CRACD: variants seen among roughly 807,000 people sequenced by gnomAD.
The protein encoded by CRACD is capping protein inhibiting regulator of actin dynamics.
In CRACD, 56 loss-of-function variants were observed where a neutral mutation model predicts 106.8. The observed-to-expected ratio is 0.52, with a 90% CI of 0.42 to 0.66. The LOEUF is 0.66. Among genes scored for constraint, CRACD ranks in the 30% least tolerant of loss-of-function variants. The pLI is 0.00. For missense variants in CRACD, 1,730 were observed against 1,623.2 expected (o/e 1.07, Z -1.13); for synonymous variants, 754 against 670.8 (o/e 1.12, Z -1.92).
intron 1 of CRACD, among the ~76,000 whole-genome samples, chr4:56,079,480 C>G (rs1380266629): frequency 5.0e-5 from 7 of 138,814 alleles, no homozygotes; most frequent in Non-Finnish European, 1.1e-4. Flanking sequence ...GGGTTTTGTT[C>G]TGTCATGCAG....
At chr4:56,274,399 T>C (rs1289251865) in intron 3 of CRACD, among the ~76,000 whole-genome samples, 2 of 152,178 alleles carry the variant, frequency 1.3e-5, no homozygotes, top group African/African-American at 4.8e-5. Flanking sequence ...AACCCATCCT[T>C]TTTGTAGTAT....
intron 1 of CRACD, among the ~76,000 whole-genome samples, chr4:56,085,449 T>A (rs1733182964): frequency 6.6e-6 from 1 of 152,086 alleles, no homozygotes. Context: ...AGAAACGGAT[T>A]CTTGTCTGAG....
chr4:56,153,984 C>T (rs1172198489), intron 1 of CRACD, among the ~76,000 whole-genome samples: 1 of 152,188 alleles, frequency 6.6e-6, no homozygotes, highest in Non-Finnish European at 1.5e-5. Context: ...TAACTAGGCA[C>T]TTGGTTATTT....
At chr4:56,327,448 A>G (rs1746521978) in intron 10 of CRACD, among the ~76,000 whole-genome samples, 196 bp from the exon 11 acceptor site, 1 of 152,244 alleles carries the variant, frequency 6.6e-6, no homozygotes, top group Non-Finnish European at 1.5e-5. Flanking sequence ...CATAAAAATG[A>G]TAACTGTGAG....
chr4:56,223,483 A>G (rs1739152904), intron 2 of CRACD, among the ~76,000 whole-genome samples: 1 of 151,930 alleles, frequency 6.6e-6, no homozygotes, highest in African/African-American at 2.4e-5. Flanking sequence ...TAGTACTTTT[A>G]TGGTTTCATT....
intron 8 of CRACD, among the ~76,000 whole-genome samples, chr4:56,318,589 C>G (rs144842034): frequency 1.1e-3 from 173 of 152,342 alleles, no homozygotes; most frequent in African/African-American, 3.9e-3. Flanking sequence ...AAATCTATCA[C>G]TGTCCCTGTT....
chr4:56,115,014 C>A (rs945306432), intron 1 of CRACD, among the ~76,000 whole-genome samples: 3 of 152,018 alleles, frequency 2.0e-5, no homozygotes, highest in African/African-American at 7.3e-5. Flanking sequence ...GCTGTATATG[C>A]TATAAAAGAT....
At chr4:56,321,232 C>A in intron 8 of CRACD, 1 of 249,126 alleles carries the variant, frequency 4.0e-6, no homozygotes. Context: ...AAGAGAAGCA[C>A]TTGTGTGGAC....
At chr4:56,173,396 A>G (rs1210411053) in intron 1 of CRACD, among the ~76,000 whole-genome samples, 1 of 152,246 alleles carries the variant, frequency 6.6e-6, no homozygotes, top group East Asian at 1.9e-4. Flanking sequence ...GATATGAGAA[A>G]GGAAATTAAT....
chr4:56,125,614 A>C (rs1734631090), intron 1 of CRACD, among the ~76,000 whole-genome samples: 2 of 151,894 alleles, frequency 1.3e-5, no homozygotes, highest in African/African-American at 4.8e-5. Context: ...ATGGGATCTT[A>C]CTGTGTTGTC....
At chr4:56,231,289 A>G (rs149326847) in intron 2 of CRACD, among the ~76,000 whole-genome samples, 15 of 152,202 alleles carry the variant, frequency 9.9e-5, no homozygotes, top group African/African-American at 3.4e-4. Context: ...TTGTCCAGCA[A>G]TATGTATCCA....
intron 2 of CRACD, among the ~76,000 whole-genome samples, chr4:56,260,259 C>T (rs1489197375): frequency 3.3e-5 from 5 of 152,308 alleles, no homozygotes; most frequent in Non-Finnish European, 5.9e-5. Context: ...TGATAGTTAA[C>T]TTTCTCTCTC....
intron 2 of CRACD, among the ~76,000 whole-genome samples, chr4:56,188,686 T>TCTCTCTCACACA (rs1553908658): frequency 1.1e-5 from 1 of 92,134 alleles, no homozygotes; most frequent in African/African-American, 4.9e-5. Context: ...TCTCTCTCTC[T>TCTCTCTCACACA]CACACACACA....
At position 56,286,614 on chromosome 4, in the gene CRACD, T is replaced by C. The variant is rs566526278; in HGVS notation, c.-16-11600T>C. On this transcript the variant is annotated intron_variant, in intron 3 of 10. Transcript: ENST00000682029. ...GCAACTTGGAGATCATTTACAGATG[T>C]CAATTATATTGCAATAGAGTGGAGG... 2.7e-4 allele frequency among the ~76,000 whole-genome samples: 41 copies of C among 151,346 alleles called. 1 individual carries two copies. In the South Asian group the frequency reaches 8.4e-3, roughly 31 times the overall value.
At chr4:56,296,309 A>G (rs1322574223) in intron 3 of CRACD, among the ~76,000 whole-genome samples, 2 of 152,068 alleles carry the variant, frequency 1.3e-5, no homozygotes, top group Non-Finnish European at 2.9e-5. Flanking sequence ...AAATGAGATA[A>G]TGAAAGTAAA....
chr4:56,212,710 A>T (rs1279170717), intron 2 of CRACD, among the ~76,000 whole-genome samples: 3 of 152,200 alleles, frequency 2.0e-5, no homozygotes, highest in Admixed American at 2.0e-4. Flanking sequence ...GTACACACAA[A>T]AAAAGAAACA....
At chr4:56,202,194 T>A (rs1737910565) in intron 2 of CRACD, among the ~76,000 whole-genome samples, 1 of 152,060 alleles carries the variant, frequency 6.6e-6, no homozygotes, top group Non-Finnish European at 1.5e-5. Flanking sequence ...TTTTATGTTT[T>A]AAAAAAATTG....
chr4:56,170,212 A>T (rs1369746385), intron 1 of CRACD: 6 of 152,220 alleles, frequency 3.9e-5, no homozygotes, highest in Admixed American at 3.9e-4. Context: ...TTCTGGTTTG[A>T]CTGGAGTAAT....
intron 6 of CRACD, chr4:56,311,489 G>A (rs138096987): frequency 5.9e-5 from 9 of 152,268 alleles, no homozygotes; most frequent in Non-Finnish European, 1.3e-4. Context: ...ATTTGGCTCC[G>A]ACTCCTTTTT....
Sources: gnomAD v4.1 joint callset for allele counts (sites outside exome capture counted in the v4.1 genomes callset) on GRCh38, gnomAD v4.1.1 for gene constraint, MANE v1.5 for transcripts, NCBI Gene and HGNC (gene_info 2026-07-23, HGNC 2026-07-21) for gene names.